The following PCP4 variants were observed in gnomAD, a reference collection of about 807,000 sequenced individuals.
The protein encoded by PCP4 is calmodulin regulator protein PCP4.
PCP4 carries 8 observed loss-of-function variants against 10.0 expected under a neutral mutation model. The observed-to-expected ratio is 0.80, with a 90% CI of 0.47 to 1.45. The LOEUF is 1.45. Ranked by LOEUF, PCP4 falls within the 40% of genes most tolerant of loss-of-function variation. PCP4 has a pLI of 0.00. For synonymous variants in PCP4, 21 were observed against 23.0 expected (o/e 0.91, Z 0.24); for missense variants, 54 against 74.4 (o/e 0.73, Z 1.01).
chr21:39,907,193 T>A (rs901516801), intron 2 of PCP4, among the ~76,000 whole-genome samples: 1 of 152,020 alleles, frequency 6.6e-6, no homozygotes, highest in Non-Finnish European at 1.5e-5. Flanking sequence ...AAAGAGTAGA[T>A]CTCCCTCTCA....
At chr21:39,928,169 G>A (rs1281040379) in intron 2 of PCP4, among the ~76,000 whole-genome samples, 2 of 152,078 alleles carry the variant, frequency 1.3e-5, no homozygotes, top group East Asian at 3.9e-4. Context: ...TACACTCTAC[G>A]GCCATACCAC....
At chr21:39,890,129 A>G (rs568081013) in intron 1 of PCP4, among the ~76,000 whole-genome samples, 2 of 152,312 alleles carry the variant, frequency 1.3e-5, no homozygotes, top group African/African-American at 4.8e-5. Flanking sequence ...CAAAACAACC[A>G]CAGAAGTCCT....
At chr21:39,924,111 C>T (rs909123917) in intron 2 of PCP4, among the ~76,000 whole-genome samples, 3 of 152,102 alleles carry the variant, frequency 2.0e-5, no homozygotes, top group Non-Finnish European at 1.5e-5. Context: ...GATGAGGGCC[C>T]GAGTGATCCA....
chr21:39,893,197 GCT>G (rs1189448780), intron 1 of PCP4, among the ~76,000 whole-genome samples: 2 of 152,128 alleles, frequency 1.3e-5, no homozygotes, highest in Admixed American at 6.5e-5. Context: ...TCTGCCTCAT[GCT>G]CTGTTTTCTG....
chr21:39,927,398 C>T (rs2087630351), intron 2 of PCP4, among the ~76,000 whole-genome samples: 1 of 151,798 alleles, frequency 6.6e-6, no homozygotes, highest in South Asian at 2.1e-4. Flanking sequence ...CTATCATCAT[C>T]TATCTAGAGC....
intron 2 of PCP4, among the ~76,000 whole-genome samples, chr21:39,910,214 T>C (rs1344402435): frequency 1.3e-5 from 2 of 152,206 alleles, no homozygotes; most frequent in Non-Finnish European, 2.9e-5. Context: ...CGGGCACTGA[T>C]GTGAGTGAAG....
intron 2 of PCP4, among the ~76,000 whole-genome samples, chr21:39,928,563 C>T (rs76466281): frequency 1.3e-4 from 20 of 152,286 alleles, no homozygotes; most frequent in East Asian, 1.2e-3. Context: ...GAATTATACA[C>T]GGAAACTCAG....
intron 1 of PCP4, among the ~76,000 whole-genome samples, chr21:39,876,741 C>A (rs1002462064): frequency 2.0e-5 from 3 of 152,190 alleles, no homozygotes; most frequent in African/African-American, 7.2e-5. Flanking sequence ...ATTCTAAAGT[C>A]TTCTTTACCA....
chr21:39,916,949 G>A lies in PCP4; in HGVS notation c.62-12035G>A, dbSNP rs114893771. 1.6e-3 allele frequency among the ~76,000 whole-genome samples: 251 copies of A among 152,314 alleles called. 1 individual carries two copies. Among genetic ancestry groups the A allele is most frequent in the African/African-American group, 5.7e-3 (237 of 41,564 alleles). ...CAATACACACTGGGGCTTATTGGGA[G>A]GGAGAGCATCAGGAAGAATAGCTAA... On this transcript the variant is annotated intron_variant, in intron 2 of 2. Coordinates refer to ENST00000328619, the MANE Select transcript of PCP4 (RefSeq NM_006198.3).
intron 1 of PCP4, among the ~76,000 whole-genome samples, chr21:39,891,361 G>A (rs896251914): frequency 1.3e-5 from 2 of 152,128 alleles, no homozygotes; most frequent in Admixed American, 6.5e-5. Context: ...TCCACCCCTT[G>A]CCTTGGGGCT....
At chr21:39,901,309 G>A (rs2087481447) in intron 2 of PCP4, among the ~76,000 whole-genome samples, 1 of 152,130 alleles carries the variant, frequency 6.6e-6, no homozygotes, top group African/African-American at 2.4e-5. Context: ...CACCCCCCAG[G>A]GTACCTGGTT....
intron 2 of PCP4, among the ~76,000 whole-genome samples, chr21:39,913,435 A>T (rs551174624): frequency 6.6e-6 from 1 of 152,220 alleles, no homozygotes; most frequent in Non-Finnish European, 1.5e-5. Context: ...ATCCAGGCAC[A>T]CACCTCTGGG....
chr21:39,889,983 A>G (rs1012223466), intron 1 of PCP4, among the ~76,000 whole-genome samples: 2 of 152,326 alleles, frequency 1.3e-5, no homozygotes, highest in Admixed American at 6.5e-5. Context: ...GGTTATGATA[A>G]ATGATAAAAC....
chr21:39,878,349 C>A (rs534224407), intron 1 of PCP4, among the ~76,000 whole-genome samples: 1 of 152,294 alleles, frequency 6.6e-6, no homozygotes, highest in South Asian at 2.1e-4. Flanking sequence ...CGATAGCACT[C>A]TGCGAATCTT....
intron 1 of PCP4, among the ~76,000 whole-genome samples, chr21:39,884,573 G>A (rs972763994): frequency 2.2e-4 from 33 of 151,942 alleles, no homozygotes; most frequent in Non-Finnish European, 4.7e-4. Context: ...GAGGCAGGCA[G>A]GTCACCTGAG....
chr21:39,911,188 T>A (rs899371764), intron 2 of PCP4, among the ~76,000 whole-genome samples: 2 of 152,088 alleles, frequency 1.3e-5, no homozygotes, highest in African/African-American at 4.8e-5. Flanking sequence ...ATGGATGGGA[T>A]CTGAATGGGA....
intron 2 of PCP4, among the ~76,000 whole-genome samples, chr21:39,927,422 C>T (rs182625111): frequency 6.6e-6 from 1 of 152,088 alleles, no homozygotes; most frequent in East Asian, 1.9e-4. Flanking sequence ...CAGGATAGAA[C>T]AGGCAGGCCT....
chr21:39,918,643 C>A (rs1435345013), intron 2 of PCP4, among the ~76,000 whole-genome samples: 1 of 152,216 alleles, frequency 6.6e-6, no homozygotes, highest in African/African-American at 2.4e-5. Context: ...TGCAGAAAGT[C>A]CCCTTGCCTG....
intron 1 of PCP4, among the ~76,000 whole-genome samples, chr21:39,890,617 C>T (rs1441185638): frequency 6.6e-6 from 1 of 152,110 alleles, no homozygotes; most frequent in Admixed American, 6.5e-5. Context: ...GATCCACCCA[C>T]CTCGGCCTCC....
Sources: allele counts gnomAD v4.1 joint callset (sites outside exome capture counted in the v4.1 genomes callset), GRCh38; gene constraint gnomAD v4.1.1; transcripts MANE v1.5; gene names NCBI Gene and HGNC (gene_info 2026-07-23, HGNC 2026-07-21).